Variants in MACROD2 observed in about 807,000 individuals in gnomAD.
The protein encoded by MACROD2 is ADP-ribose glycohydrolase MACROD2.
Under a neutral mutation model 70.4 loss-of-function variants are expected in MACROD2, and 36 were observed. The ratio of observed to expected loss-of-function variants is 0.51; its 90% CI spans 0.39 to 0.68. MACROD2 has a LOEUF of 0.68. MACROD2 is among the 30% of genes least tolerant of loss of function. The probability of loss-of-function intolerance (pLI) is 0.00; values close to 1 mark genes in which losing one functional copy is unlikely to be tolerated. For missense variants in MACROD2, 496 were observed against 538.4 expected (o/e 0.92, Z 0.78); for synonymous variants, 172 against 178.8 (o/e 0.96, Z 0.30).
chr20:14,806,767 T>G (rs1263911813), intron 5 of MACROD2, among the ~76,000 whole-genome samples: 1 of 152,032 alleles, frequency 6.6e-6, no homozygotes, highest in Non-Finnish European at 1.5e-5. Context: ...GGGGCATCCA[T>G]CATTACTGAG....
chr20:16,050,030 GT>G lies in MACROD2; in HGVS notation c.*157del. ...AATTTCTCCAGCTGCATTTTGTTCC[GT>G]TTATCTGCAGAAAAAGAAAGAAAAA... On this transcript the variant is annotated 3_prime_UTR_variant, in exon 18 of 18. Transcript: ENST00000684519. The G allele has an allele frequency of 1.7e-6, 1 of 583,430 alleles. No individual in the cohort carries two copies. Among genetic ancestry groups the G allele is most frequent in the Non-Finnish European group, 2.8e-6 (1 of 361,604 alleles). The allele number at this position is 583,430 out of a possible 1,614,324, so 36.1% of individuals were successfully genotyped here. A position where few individuals can be genotyped will look rare whatever the true frequency, so the allele number is the denominator to read the frequency against.
intron 17 of MACROD2, among the ~76,000 whole-genome samples, chr20:16,045,010 G>A (rs921103999): frequency 6.6e-6 from 1 of 152,126 alleles, no homozygotes; most frequent in South Asian, 2.1e-4. Context: ...TGAGTTGCTT[G>A]GTATATCTGT....
intron 2 of MACROD2, among the ~76,000 whole-genome samples, chr20:14,063,364 T>G (rs1208405955): frequency 6.6e-6 from 1 of 152,218 alleles, no homozygotes; most frequent in Non-Finnish European, 1.5e-5. Context: ...TCTATCCATC[T>G]TATTTCTCTA....
chr20:16,019,236 G>T (rs1360705247), intron 15 of MACROD2, among the ~76,000 whole-genome samples: 1 of 152,128 alleles, frequency 6.6e-6, no homozygotes, highest in Non-Finnish European at 1.5e-5. Flanking sequence ...TAGAATAAAA[G>T]GTATAAAATG....
At chr20:15,705,927 CT>C (rs892255448) in intron 8 of MACROD2, among the ~76,000 whole-genome samples, 58 of 152,088 alleles carry the variant, frequency 3.8e-4, no homozygotes, top group Non-Finnish European at 6.5e-4. Flanking sequence ...GTAGGTTGTA[CT>C]TTTTTTCTTT....
Position 14,727,396 on chromosome 20 carries a change from A to T in MACROD2, c.418+42437A>T, listed in dbSNP as rs73262865. Among the ~76,000 whole-genome samples, 1,234 of 152,106 alleles carry T rather than the reference A, an allele frequency of 8.1e-3. 16 individuals are homozygous for T. The highest frequency in any genetic ancestry group is 0.028 in the African/African-American group (1,167 of 41,492). Reference sequence around the variant, plus strand: ...AAAATAATTTAAAAATTAGCCTGGCATGGTGGCATGCACCTGTGGTCACAG... The same window carrying T: ...AAAATAATTTAAAAATTAGCCTGGCTTGGTGGCATGCACCTGTGGTCACAG... On this transcript the variant is annotated intron_variant, in intron 5 of 17. Coordinates refer to ENST00000684519, the MANE Select transcript of MACROD2 (RefSeq NM_001351661.2).
At chr20:15,312,725 G>A (rs536771547) in intron 6 of MACROD2, among the ~76,000 whole-genome samples, 15 of 152,248 alleles carry the variant, frequency 9.9e-5, no homozygotes, top group African/African-American at 3.4e-4. Flanking sequence ...CAGGAAGATA[G>A]TTATTTGACT....
intron 4 of MACROD2, among the ~76,000 whole-genome samples, chr20:14,637,882 G>A (rs1433949941): frequency 6.6e-6 from 1 of 152,072 alleles, no homozygotes; most frequent in Non-Finnish European, 1.5e-5. Flanking sequence ...TCATGAATAA[G>A]CAACATTTTA....
At chr20:15,859,757 C>A (rs78120691) in intron 8 of MACROD2, among the ~76,000 whole-genome samples, 1 of 94,822 alleles carries the variant, frequency 1.1e-5, no homozygotes, top group Non-Finnish European at 2.9e-5. Flanking sequence ...ACCATCCCCG[C>A]GCTTTTTTTT....
chr20:14,944,098 T>C (rs1327034940), intron 5 of MACROD2, among the ~76,000 whole-genome samples: 1 of 152,116 alleles, frequency 6.6e-6, no homozygotes, highest in African/African-American at 2.4e-5. Context: ...CAAAACACTT[T>C]TGTGCTATCC....
At chr20:14,597,150 G>A (rs1234219255) in intron 4 of MACROD2, among the ~76,000 whole-genome samples, 1 of 152,018 alleles carries the variant, frequency 6.6e-6, no homozygotes, top group Non-Finnish European at 1.5e-5. Context: ...TTATATTTGA[G>A]GAACAATTTT....
chr20:14,778,631 G>A (rs1345667463), intron 5 of MACROD2, among the ~76,000 whole-genome samples: 1 of 152,098 alleles, frequency 6.6e-6, no homozygotes, highest in Non-Finnish European at 1.5e-5. Flanking sequence ...CCTTTGCCTT[G>A]TTGGAATCAC....
intron 3 of MACROD2, among the ~76,000 whole-genome samples, chr20:14,268,980 C>A (rs559961710): frequency 1.3e-5 from 2 of 152,144 alleles, no homozygotes; most frequent in African/African-American, 4.8e-5. Context: ...TGTGTGTTGG[C>A]GTAATAACAC....
intron 10 of MACROD2, among the ~76,000 whole-genome samples, chr20:15,890,134 C>A (rs900581114): frequency 6.6e-6 from 1 of 152,128 alleles, no homozygotes; most frequent in African/African-American, 2.4e-5. Flanking sequence ...TGTAAGCATG[C>A]CCACTGACCC....
At chr20:15,543,600 T>TAA (rs11087138) in intron 8 of MACROD2, among the ~76,000 whole-genome samples, 7 of 146,896 alleles carry the variant, frequency 4.8e-5, no homozygotes, top group African/African-American at 1.0e-4. Flanking sequence ...AACCTCCTCT[T>TAA]AAAAAAAAAA....
At chr20:15,991,411 A>G (rs2066557312) in intron 15 of MACROD2, among the ~76,000 whole-genome samples, 1 of 152,212 alleles carries the variant, frequency 6.6e-6, no homozygotes, top group Non-Finnish European at 1.5e-5. Flanking sequence ...CATCACTGGC[A>G]GAGCCCTTTC....
intron 5 of MACROD2, among the ~76,000 whole-genome samples, chr20:15,010,859 C>G (rs1416886803): frequency 6.6e-6 from 1 of 152,106 alleles, no homozygotes; most frequent in Admixed American, 6.5e-5. Flanking sequence ...AAAGTTCACA[C>G]CTAAGAGCAC....
intron 12 of MACROD2, among the ~76,000 whole-genome samples, chr20:15,944,961 C>G (rs2065800962): frequency 6.6e-6 from 1 of 152,086 alleles, no homozygotes; most frequent in Non-Finnish European, 1.5e-5. Flanking sequence ...TTCAATCACT[C>G]AGAGAGTAAA....
chr20:15,647,668 G>A (rs2049568715), intron 8 of MACROD2, among the ~76,000 whole-genome samples: 1 of 151,836 alleles, frequency 6.6e-6, no homozygotes. Flanking sequence ...GATAGGGTCT[G>A]GATGAATATA....
Sources: gnomAD v4.1 joint callset for allele counts (sites outside exome capture counted in the v4.1 genomes callset) on GRCh38, gnomAD v4.1.1 for gene constraint, MANE v1.5 for transcripts, NCBI Gene and HGNC (gene_info 2026-07-23, HGNC 2026-07-21) for gene names.